DNAH17: variants seen among roughly 807,000 people sequenced by gnomAD.
DNAH17 encodes the protein dynein axonemal heavy chain 17, also known as axonemal beta dynein heavy chain 17.
A neutral mutation model predicts 485.6 loss-of-function variants in DNAH17; 376 were observed. The observed-to-expected ratio is 0.77, with a 90% CI of 0.71 to 0.84. The LOEUF (loss-of-function observed/expected upper bound fraction) is 0.84, where lower values mean the gene tolerates loss of function less well. DNAH17 is among the 40% of genes least tolerant of loss of function. The pLI is 0.00. For missense variants in DNAH17, 6,370 were observed against 5,839.3 expected (o/e 1.09, Z -2.96); for synonymous variants, 3,031 against 2,405.9 (o/e 1.26, Z -7.60).
intron 50 of DNAH17, 43 bp from the exon 51 acceptor site, chr17:78,479,159 T>C (rs1362080094): frequency 1.3e-6 from 2 of 1,592,468 alleles, no homozygotes; most frequent in South Asian, 1.1e-5. Context: ...GTACTCTTGA[T>C]GGCCCCAGGA....
chr17:78,488,931 C>T (rs1246685808), intron 44 of DNAH17, among the ~76,000 whole-genome samples: 1 of 152,092 alleles, frequency 6.6e-6, no homozygotes, highest in East Asian at 1.9e-4. Context: ...CAGGTTCTCC[C>T]GCAGAGCCTC....
At chr17:78,570,059 T>TC (rs1258296559) in intron 7 of DNAH17, among the ~76,000 whole-genome samples, 188 bp downstream of exon 7, 2 of 152,116 alleles carry the variant, frequency 1.3e-5, no homozygotes, top group African/African-American at 4.8e-5. Context: ...CTCAGTACCC[T>TC]CCCCTAGAAG....
In DNAH17 at chr17:78,569,222, A is replaced by G. The variant is rs540047501; in HGVS notation, c.1228T>C (p.Ser410Pro). The change falls in exon 9 of 81, where the codon TCT (serine) becomes CCT (proline). Residue 410 changes from serine (S) to proline (P), a missense_variant. Ser to Pro is a moderately conservative substitution (Grantham distance 74). Transcript: ENST00000389840. ...DKEPVPWEFP[S>P]SLAFSRINSF... ...TTTATCCTGGAAAAGGCAAGAGAAG[A>G]AGGGAATTCCCAAGGCACGGGCTCT... 2.5e-6 allele frequency: 4 copies of G among 1,609,360 alleles called. No individual in the cohort carries two copies. In the East Asian group the frequency reaches 6.7e-5, roughly 27 times the overall value.
At chr17:78,544,578 G>C (rs576538091) in intron 16 of DNAH17, among the ~76,000 whole-genome samples, 1 of 152,030 alleles carries the variant, frequency 6.6e-6, no homozygotes, top group Non-Finnish European at 1.5e-5. Context: ...TGAGGCAGGC[G>C]GATCACGAGG....
Position 78,492,847 on chromosome 17 carries a change from C to T in DNAH17, c.6409-82G>A, listed in dbSNP as rs983470427. 2.6e-5 allele frequency: 11 copies of T among 420,960 alleles called. No homozygotes were observed. The Admixed American group carries it at 5.8e-4, about 22-fold the overall frequency. The allele number at this position is 420,960 out of a possible 1,614,324, so 26.1% of individuals were successfully genotyped here. ...CACTAGCCTCAGGACCATGGGTGGGCCTGGATGGTTTTTTTTTTTTTGAGA... is the reference window on the plus strand; with the variant it reads ...CACTAGCCTCAGGACCATGGGTGGGTCTGGATGGTTTTTTTTTTTTTGAGA... On this transcript the variant is annotated intron_variant, in intron 41 of 80. Transcript: ENST00000389840.
intron 64 of DNAH17, among the ~76,000 whole-genome samples, chr17:78,453,756 G>A (rs1055864104): frequency 6.6e-6 from 1 of 152,200 alleles, no homozygotes; most frequent in Non-Finnish European, 1.5e-5. Flanking sequence ...GGCATGAGCA[G>A]GGTTCACTGC....
intron 65 of DNAH17, among the ~76,000 whole-genome samples, 197 bp from the exon 66 acceptor site, chr17:78,451,870 G>A (rs1038011483): frequency 6.6e-6 from 1 of 152,086 alleles, no homozygotes; most frequent in Non-Finnish European, 1.5e-5. Context: ...TCTGGGAGAT[G>A]CACCTGCTCT....
chr17:78,424,415 A>T (rs1280587447), intron 80 of DNAH17: 2 of 437,166 alleles, frequency 4.6e-6, no homozygotes, highest in Non-Finnish European at 8.2e-6. Context: ...TGGCATTTTC[A>T]GAGCCTCATC....
chr17:78,480,860 A>G (rs1470596097), intron 48 of DNAH17, 74 bp from the exon 49 acceptor site: 6 of 984,044 alleles, frequency 6.1e-6, no homozygotes, highest in Middle Eastern at 2.9e-4. Context: ...CTGTGCTCCC[A>G]AGAATGCCCT....
At chr17:78,536,475 A>ATTTTGT (rs2091377202) in intron 19 of DNAH17, among the ~76,000 whole-genome samples, 1 of 151,720 alleles carries the variant, frequency 6.6e-6, no homozygotes, top group Non-Finnish European at 1.5e-5. Context: ...TAAGAAGTTT[A>ATTTTGT]AGACCACTCT....
chr17:78,427,248 C>G, intron 77 of DNAH17, 140 bp from the exon 78 acceptor site: 1 of 796,000 alleles, frequency 1.3e-6, no homozygotes, highest in Non-Finnish European at 2.0e-6. Flanking sequence ...GCCAGAAATG[C>G]AGGGTCATGG....
chr17:78,464,157 G>A (rs555291996), intron 56 of DNAH17, among the ~76,000 whole-genome samples: 7 of 152,290 alleles, frequency 4.6e-5, no homozygotes, highest in Non-Finnish European at 7.4e-5. Context: ...TATTCCAAGG[G>A]CTGCTCATCC....
intron 64 of DNAH17, among the ~76,000 whole-genome samples, chr17:78,454,026 G>C (rs1459978135): frequency 6.6e-6 from 1 of 152,110 alleles, no homozygotes; most frequent in Non-Finnish European, 1.5e-5. Context: ...GCTTTGAGTA[G>C]CTTTATGGCC....
At chr17:78,433,927 A>AGGAAGGAGGGAGGGAAGGAAGGAG (rs1568044813) in intron 75 of DNAH17, 102 bp downstream of exon 75, 1 of 791,114 alleles carries the variant, frequency 1.3e-6, no homozygotes, top group African/African-American at 3.2e-5. Flanking sequence ...GAGGGAAGGA[A>AGGAAGGAGGGAGGGAAGGAAGGAG]GGAGGGAGGG....
At chr17:78,572,958 G>A in intron 2 of DNAH17, 64 bp from the exon 3 acceptor site, 1 of 1,480,894 alleles carries the variant, frequency 6.8e-7, no homozygotes, top group Non-Finnish European at 9.2e-7. Flanking sequence ...ACCGCACAGA[G>A]CCAGGTCCCC....
In DNAH17 at chr17:78,505,505, C is replaced by T. The variant is rs1055835577; in HGVS notation, c.4804-60G>A. Reference sequence around the variant, plus strand: ...GGGGATTTGAAAGGCATGTGCGTGGCTTGGGCTTTCCGTGGGTGGTTTTAG... The same window carrying T: ...GGGGATTTGAAAGGCATGTGCGTGGTTTGGGCTTTCCGTGGGTGGTTTTAG... On this transcript the variant is annotated intron_variant, in intron 30 of 80. Coordinates refer to ENST00000389840, the MANE Select transcript of DNAH17 (RefSeq NM_173628.4). The T allele has an allele frequency of 4.4e-6, 7 of 1,607,678 alleles. No homozygotes were observed. In the African/African-American group the frequency reaches 9.4e-5, roughly 21 times the overall value.
chr17:78,486,551 T>C (rs777269209), intron 44 of DNAH17, 45 bp from the exon 45 acceptor site: 7 of 1,554,734 alleles, frequency 4.5e-6, no homozygotes, highest in Non-Finnish European at 6.1e-6. Flanking sequence ...CTGCTCTGGG[T>C]CTGCCAGTGT....
chr17:78,475,927 TAGGAGG>T lies in DNAH17; in HGVS notation c.8155-100_8155-95del, dbSNP rs553580353. The T allele has an allele frequency of 2.1e-6, 3 of 1,412,312 alleles. No homozygotes were observed. The South Asian group carries it at 4.3e-5, about 20-fold the overall frequency. The allele number at this position is 1,412,312 out of a possible 1,614,324, so 87.5% of individuals were successfully genotyped here. A position where few individuals can be genotyped will look rare whatever the true frequency, so the allele number is the denominator to read the frequency against. ...AATTCAGTACTTTGCCAAGGTGGCC[TAGGAGG>T]TCACCACGGGGTCCCAGGCCAAGTC... On this transcript the variant is annotated intron_variant, in intron 52 of 80. Transcript: ENST00000389840.
intron 61 of DNAH17, 62 bp from the exon 62 acceptor site, chr17:78,458,742 C>T (rs531053908): frequency 6.3e-5 from 91 of 1,439,846 alleles, no homozygotes; most frequent in African/African-American, 2.2e-4. Context: ...CCCCCTGCAG[C>T]GGCAGCAGGG....
Sources: allele counts gnomAD v4.1 joint callset (sites outside exome capture counted in the v4.1 genomes callset), GRCh38; gene constraint gnomAD v4.1.1; transcripts MANE v1.5; gene names NCBI Gene and HGNC (gene_info 2026-07-23, HGNC 2026-07-21).